The following ACADM variants were observed in gnomAD, a reference collection of about 807,000 sequenced individuals.
ACADM encodes medium-chain specific acyl-CoA dehydrogenase, mitochondrial.
In ACADM, 49 loss-of-function variants were observed where a neutral mutation model predicts 58.9. The ratio of observed to expected loss-of-function variants is 0.83; its 90% CI spans 0.66 to 1.06. ACADM has a LOEUF of 1.06. ACADM is among the 50% of genes least tolerant of loss of function. ACADM has a pLI of 0.00. For missense variants in ACADM, 496 were observed against 507.0 expected (o/e 0.98, Z 0.21); for synonymous variants, 160 against 157.7 (o/e 1.01, Z -0.11).
At chr1:75,729,018 T>C (rs908524779) in intron 2 of ACADM, among the ~76,000 whole-genome samples, 2 of 152,110 alleles carry the variant, frequency 1.3e-5, no homozygotes, top group Non-Finnish European at 2.9e-5. Context: ...AATATCTATC[T>C]TTGGCATTCT....
rs1432345959 is a variant in ACADM at position 75,763,046 on chromosome 1, G to A, written c.*283G>A. Reference sequence around the variant, plus strand: ...ATTTTGATCTCTTAAGATTAATGTAGCAGAAATTTCTTGGAATTTTATTTT... The same window carrying A: ...ATTTTGATCTCTTAAGATTAATGTAACAGAAATTTCTTGGAATTTTATTTT... On this transcript the variant is annotated 3_prime_UTR_variant, in exon 12 of 12. Coordinates refer to ENST00000370841, the MANE Select transcript of ACADM (RefSeq NM_000016.6). The A allele has an allele frequency of 9.6e-6, 2 of 209,206 alleles. No homozygotes were observed. Among genetic ancestry groups the A allele is most frequent in the Admixed American group, 5.6e-5 (1 of 17,952 alleles). The allele number at this position is 209,206 out of a possible 1,614,324, so 13.0% of individuals were successfully genotyped here.
chr1:75,733,665 C>A, intron 5 of ACADM, 37 bp downstream of exon 5: 1 of 1,482,220 alleles, frequency 6.7e-7, no homozygotes, highest in Non-Finnish European at 9.4e-7. Flanking sequence ...TAACTCAGCT[C>A]TTGTTAATGA....
intron 6 of ACADM, among the ~76,000 whole-genome samples, chr1:75,737,279 A>AAATAT (rs1553123496): frequency 2.3e-4 from 10 of 43,126 alleles, no homozygotes; most frequent in Non-Finnish European, 3.6e-4. Context: ...CACACACACA[A>AAATAT]ATATATATAT....
At chr1:75,732,762 G>A in intron 3 of ACADM, 21 bp downstream of exon 3, 7 of 1,608,456 alleles carry the variant, frequency 4.4e-6, no homozygotes, top group Non-Finnish European at 6.0e-6. Flanking sequence ...ACATTTTAAA[G>A]AGGGAAAAAT....
At chr1:75,749,861 C>T (rs918956828) in intron 9 of ACADM, among the ~76,000 whole-genome samples, 1 of 151,546 alleles carries the variant, frequency 6.6e-6, no homozygotes, top group South Asian at 2.1e-4. Flanking sequence ...TACAGGTGCA[C>T]ACCACTCTGC....
At chr1:75,731,300 AAAAAAG>A (rs1290291801) in intron 2 of ACADM, among the ~76,000 whole-genome samples, 25 of 149,262 alleles carry the variant, frequency 1.7e-4, no homozygotes, top group South Asian at 6.3e-4. Context: ...AAAAAAAAAA[AAAAAAG>A]AGATTTGATC....
At chr1:75,742,944 C>T (rs1486410968) in intron 7 of ACADM, among the ~76,000 whole-genome samples, 5 of 152,016 alleles carry the variant, frequency 3.3e-5, no homozygotes, top group Admixed American at 2.6e-4. Context: ...TTCAATCCCT[C>T]CATACAAGTG....
At chr1:75,728,020 T>C (rs1021413547) in intron 1 of ACADM, among the ~76,000 whole-genome samples, 25 of 152,128 alleles carry the variant, frequency 1.6e-4, no homozygotes, top group Admixed American at 9.2e-4. Flanking sequence ...GAACACAGTA[T>C]GTTCACTTCC....
intron 7 of ACADM, chr1:75,743,542 T>G: frequency 7.5e-6 from 12 of 1,605,544 alleles, no homozygotes; most frequent in Non-Finnish European, 1.0e-5. Context: ...CATCATGGGC[T>G]GCACCTCTAC....
intron 1 of ACADM, 108 bp from the exon 2 acceptor site, chr1:75,728,293 A>G (rs1300092233): frequency 1.2e-5 from 9 of 782,040 alleles, no homozygotes; most frequent in Non-Finnish European, 1.8e-5. Context: ...TTTAAAAACT[A>G]TGAGTATGGT....
In ACADM at chr1:75,728,504, T is replaced by C; in HGVS notation, c.118+16T>C. 1 of 1,579,682 alleles carries C rather than the reference T, an allele frequency of 6.3e-7. No homozygotes were observed. The highest frequency in any genetic ancestry group is 8.7e-7 in the Non-Finnish European group (1 of 1,149,714). On this transcript the variant is annotated intron_variant, in intron 2 of 11. Transcript: ENST00000370841. ...TTTAGTTTTGGTATATGTTCGGTTCTATCTTTTGACTTTAAACTTATACAT... is the reference window on the plus strand; with the variant it reads ...TTTAGTTTTGGTATATGTTCGGTTCCATCTTTTGACTTTAAACTTATACAT...
chr1:75,746,347 C>T (rs952706454), intron 8 of ACADM, among the ~76,000 whole-genome samples: 62 of 151,964 alleles, frequency 4.1e-4, no homozygotes, highest in African/African-American at 1.4e-3. Context: ...GGTCATACAA[C>T]ACTAAGAAAA....
At chr1:75,732,535 T>C (rs1054840747) in intron 2 of ACADM, 109 bp from the exon 3 acceptor site, 14 of 896,986 alleles carry the variant, frequency 1.6e-5, no homozygotes, top group Non-Finnish European at 2.6e-5. Flanking sequence ...GAGTTTCTGA[T>C]AATCAAGGAT....
At chr1:75,745,340 A>T (rs1647834281) in intron 7 of ACADM, 1 of 161,814 alleles carries the variant, frequency 6.2e-6, no homozygotes, top group Non-Finnish European at 1.4e-5. Context: ...TAAACAAAAA[A>T]TTAGCTAGGC....
At chr1:75,740,823 T>C (rs1297328358) in intron 7 of ACADM, among the ~76,000 whole-genome samples, 12 of 152,178 alleles carry the variant, frequency 7.9e-5, no homozygotes, top group South Asian at 6.2e-4. Flanking sequence ...TTTTAAAACA[T>C]GTATTGAAAA....
chr1:75,743,426 C>A lies in ACADM; in HGVS notation c.600-2380C>A, dbSNP rs1647695967. The A allele has an allele frequency of 1.9e-6, 3 of 1,609,976 alleles. No homozygotes were observed. In the African/African-American group the frequency reaches 4.0e-5, roughly 22 times the overall value. Reference sequence around the variant, plus strand: ...GGGTGTGTGGGTTCCTCCTAAAGATCAAAGAGGAGGACTCTGGGATCCTCT... The same window carrying A: ...GGGTGTGTGGGTTCCTCCTAAAGATAAAAGAGGAGGACTCTGGGATCCTCT... On this transcript the variant is annotated intron_variant, in intron 7 of 11. Transcript: ENST00000370841.
At chr1:75,755,585 A>T (rs1403092992) in intron 10 of ACADM, among the ~76,000 whole-genome samples, 2 of 152,226 alleles carry the variant, frequency 1.3e-5, no homozygotes, top group African/African-American at 4.8e-5. Context: ...CAGAAAGGAC[A>T]TTCACACCAA....
chr1:75,758,836 A>G (rs893031500), intron 10 of ACADM, among the ~76,000 whole-genome samples: 1 of 152,218 alleles, frequency 6.6e-6, no homozygotes, highest in African/African-American at 2.4e-5. Context: ...AAATGGACCA[A>G]TCAGCAGGAT....
At chr1:75,742,783 C>T (rs1647650927) in intron 7 of ACADM, among the ~76,000 whole-genome samples, 1 of 152,104 alleles carries the variant, frequency 6.6e-6, no homozygotes, top group African/African-American at 2.4e-5. Context: ...CAACACGTGA[C>T]CTCAGGGAAC....
Sources: allele counts gnomAD v4.1 joint callset (sites outside exome capture counted in the v4.1 genomes callset), GRCh38; gene constraint gnomAD v4.1.1; transcripts MANE v1.5; gene names NCBI Gene and HGNC (gene_info 2026-07-23, HGNC 2026-07-21).